Variants in PIP4K2A observed in about 807,000 individuals in gnomAD.
PIP4K2A encodes the protein phosphatidylinositol 5-phosphate 4-kinase type-2 alpha.
PIP4K2A carries 14 observed loss-of-function variants against 42.9 expected under a neutral mutation model. The observed-to-expected ratio is 0.33, with a 90% confidence interval of 0.22 to 0.51. The LOEUF (loss-of-function observed/expected upper bound fraction) is 0.51. Ranked by LOEUF, PIP4K2A falls within the 20% of genes least tolerant of loss-of-function variation. The probability of loss-of-function intolerance (pLI) is 0.97; values close to 1 mark genes in which losing one functional copy is unlikely to be tolerated. For missense variants in PIP4K2A, 434 were observed against 519.8 expected (o/e 0.83, Z 1.61); for synonymous variants, 192 against 192.2 (o/e 1.00, Z 0.01).
At chr10:22,599,032 C>T (rs1400584441) in intron 3 of PIP4K2A, among the ~76,000 whole-genome samples, 1 of 151,762 alleles carries the variant, frequency 6.6e-6, no homozygotes, top group East Asian at 1.9e-4. Context: ...CAACAACAGC[C>T]AAAATCAACT....
At chr10:22,687,792 A>T (rs117681886) in intron 1 of PIP4K2A, among the ~76,000 whole-genome samples, 3,487 of 152,304 alleles carry the variant, frequency 0.023, 52 homozygotes, top group Middle Eastern at 0.061. Context: ...TTGCATTTTT[A>T]AAAAATCTGT....
chr10:22,603,138 T>C (rs1247250436), intron 3 of PIP4K2A, among the ~76,000 whole-genome samples: 3 of 152,186 alleles, frequency 2.0e-5, no homozygotes, highest in Non-Finnish European at 2.9e-5. Context: ...AAATTAATTA[T>C]TTTAAAATTA....
At chr10:22,674,842 G>A (rs1373047397) in intron 1 of PIP4K2A, among the ~76,000 whole-genome samples, 1 of 152,014 alleles carries the variant, frequency 6.6e-6, no homozygotes, top group East Asian at 1.9e-4. Context: ...GTGTGCCTAT[G>A]GTCGTAGCTA....
chr10:22,703,571 A>G (rs1833756352), intron 1 of PIP4K2A, among the ~76,000 whole-genome samples: 1 of 152,196 alleles, frequency 6.6e-6, no homozygotes, highest in Admixed American at 6.5e-5. Context: ...GATGAGGGCA[A>G]GGAGGAAAGT....
chr10:22,596,485 G>A (rs1010117394), intron 3 of PIP4K2A, among the ~76,000 whole-genome samples: 1 of 152,196 alleles, frequency 6.6e-6, no homozygotes, highest in Non-Finnish European at 1.5e-5. Context: ...CAGGGAAGGA[G>A]GTCTTATATC....
At chr10:22,657,585 C>T (rs1057192767) in intron 1 of PIP4K2A, among the ~76,000 whole-genome samples, 2 of 152,196 alleles carry the variant, frequency 1.3e-5, no homozygotes, top group Non-Finnish European at 2.9e-5. Flanking sequence ...ACGAAAAAAA[C>T]AGGCTGAAAC....
chr10:22,650,473 A>G (rs966634881), intron 1 of PIP4K2A, among the ~76,000 whole-genome samples: 13 of 152,206 alleles, frequency 8.5e-5, no homozygotes, highest in Admixed American at 6.5e-4. Context: ...CTCAGTTTTC[A>G]TAACTATAAA....
In PIP4K2A at chr10:22,572,570, G is replaced by A. The variant is rs995453481; in HGVS notation, c.639+741C>T. On this transcript the variant is annotated intron_variant, in intron 5 of 9. Coordinates refer to ENST00000376573, the MANE Select transcript of PIP4K2A (RefSeq NM_005028.5). ...CCATGAGCCAAGATTGAGCCACTGC[G>A]CTCCAGACTGAGCAACAGAGGAAGA... Among the ~76,000 whole-genome samples the A allele has an allele frequency of 5.9e-5, 9 of 151,616 alleles. No homozygotes were observed. The East Asian group carries it at 7.7e-4, about 13-fold the overall frequency.
chr10:22,623,298 C>T (rs534979529), intron 1 of PIP4K2A, among the ~76,000 whole-genome samples: 44 of 151,790 alleles, frequency 2.9e-4, no homozygotes, highest in African/African-American at 1.0e-3. Flanking sequence ...GGTGAGCTTC[C>T]GTACTGTTTA....
chr10:22,647,967 T>A (rs1056980277), intron 1 of PIP4K2A, among the ~76,000 whole-genome samples: 4 of 152,228 alleles, frequency 2.6e-5, no homozygotes, highest in Admixed American at 6.5e-5. Flanking sequence ...ATCGACAACA[T>A]CTCAGCCACT....
At chr10:22,542,794 C>A (rs765729066) in intron 7 of PIP4K2A, among the ~76,000 whole-genome samples, 1 of 152,342 alleles carries the variant, frequency 6.6e-6, no homozygotes, top group South Asian at 2.1e-4. Flanking sequence ...TTCAGCACAA[C>A]GTTCCAATGT....
chr10:22,649,164 G>A (rs1025616267), intron 1 of PIP4K2A, among the ~76,000 whole-genome samples: 11 of 152,128 alleles, frequency 7.2e-5, no homozygotes, highest in Middle Eastern at 3.2e-3. Context: ...GGATTCTCTA[G>A]AAGGCTTCGC....
chr10:22,664,578 G>A (rs1360602415), intron 1 of PIP4K2A, among the ~76,000 whole-genome samples: 2 of 151,480 alleles, frequency 1.3e-5, no homozygotes, highest in Non-Finnish European at 2.9e-5. Flanking sequence ...CTCTTATGTG[G>A]TTAAATCTAT....
At chr10:22,670,847 A>T (rs1271123726) in intron 1 of PIP4K2A, among the ~76,000 whole-genome samples, 1 of 152,142 alleles carries the variant, frequency 6.6e-6, no homozygotes, top group Non-Finnish European at 1.5e-5. Flanking sequence ...AGCTTTTTTT[A>T]AAAAACGGCA....
In PIP4K2A at chr10:22,607,999, C is replaced by T. The variant is rs1837943901; in HGVS notation, c.267G>A (p.Lys89=). ...AGACCATCGGGCAGTATTCCTTAAA[C>T]TTGAAATGGCTCGGCATGTTTTCTC... ...FNKENMPSHF[K]FKEYCPMVFR... Residue 89 remains lysine, a synonymous_variant, in exon 3 of 10, where the codon AAG becomes AAA. Transcript: ENST00000376573. 4 of 1,611,738 alleles carry T rather than the reference C, an allele frequency of 2.5e-6. No individual in the cohort carries two copies. Among genetic ancestry groups the T allele is most frequent in the Non-Finnish European group, 3.4e-6 (4 of 1,178,224 alleles).
At chr10:22,563,210 C>A (rs571499674) in intron 6 of PIP4K2A, among the ~76,000 whole-genome samples, 1 of 152,326 alleles carries the variant, frequency 6.6e-6, no homozygotes, top group East Asian at 1.9e-4. Context: ...TAGCTTTATG[C>A]AGCCTCTGTC....
intron 1 of PIP4K2A, among the ~76,000 whole-genome samples, chr10:22,667,800 AAAT>A (rs776376006): frequency 7.9e-5 from 12 of 152,144 alleles, no homozygotes; most frequent in Admixed American, 3.3e-4. Flanking sequence ...TTTTAGAAGT[AAAT>A]AATACTTTCA....
At chr10:22,668,044 C>T (rs1045654501) in intron 1 of PIP4K2A, among the ~76,000 whole-genome samples, 1 of 152,014 alleles carries the variant, frequency 6.6e-6, no homozygotes, top group African/African-American at 2.4e-5. Flanking sequence ...CTCCGCCTCC[C>T]AGGTTCAAGC....
chr10:22,635,121 TG>T (rs1279349694), intron 1 of PIP4K2A, among the ~76,000 whole-genome samples: 1 of 151,934 alleles, frequency 6.6e-6, no homozygotes, highest in Admixed American at 6.6e-5. Flanking sequence ...ACGACAGATT[TG>T]GGGGGCAGTG....
Sources: allele counts gnomAD v4.1 joint callset (sites outside exome capture counted in the v4.1 genomes callset), GRCh38; gene constraint gnomAD v4.1.1; transcripts MANE v1.5; gene names NCBI Gene and HGNC (gene_info 2026-07-23, HGNC 2026-07-21).